Variants in ZNF875 observed in about 807,000 individuals in gnomAD.
ZNF875 encodes the protein zinc finger protein 875, also known as HKR1, GLI-Kruppel zinc finger family member.
In ZNF875, 14 loss-of-function variants were observed where a neutral mutation model predicts 11.2. That is an observed-to-expected ratio of 1.26 (90% CI 0.83 to 1.96). The LOEUF is 1.96. Among genes scored for constraint, ZNF875 ranks in the 30% most tolerant of loss-of-function variants. The pLI is 0.00. For missense variants in ZNF875, 752 were observed against 760.4 expected, an observed-to-expected ratio of 0.99 and a Z score of 0.13; for synonymous variants, 301 against 281.1, an observed-to-expected ratio of 1.07 and a Z score of -0.71.
intron 4 of ZNF875, among the ~76,000 whole-genome samples, chr19:37,355,702 A>G (rs2038785322): frequency 6.6e-6 from 1 of 152,160 alleles, no homozygotes; most frequent in South Asian, 2.1e-4. Flanking sequence ...TTTTCATGTC[A>G]TGTCTATAAT....
intron 2 of ZNF875, chr19:37,346,865 C>CT (rs10577168): frequency 0.034 from 7,312 of 214,048 alleles, 111 homozygotes; most frequent in East Asian, 0.067. Context: ...ACCTCTCATT[C>CT]TTTTTTTTTT....
At chr19:37,327,358 G>A (rs1022208152) in intron 4 of ZNF875, among the ~76,000 whole-genome samples, 2 of 152,010 alleles carry the variant, frequency 1.3e-5, no homozygotes, top group African/African-American at 2.4e-5. Context: ...TAAATGACAG[G>A]TCTATATGTT....
In ZNF875 at chr19:37,335,162, T is replaced by A. The variant is rs1357989433; in HGVS notation, c.-56-7T>A. 3 of 699,356 alleles carry A rather than the reference T, an allele frequency of 4.3e-6. No individual in the cohort carries two copies. Among genetic ancestry groups the A allele is most frequent in the Non-Finnish European group, 7.8e-6 (3 of 382,548 alleles). The allele number at this position is 699,356 out of a possible 1,614,324, so 43.3% of individuals were successfully genotyped here. On this transcript the variant is annotated splice_polypyrimidine_tract_variant and splice_region_variant and intron_variant, in intron 1 of 4. Coordinates refer to ENST00000392153, the MANE Select transcript of ZNF875 (RefSeq NM_001353803.2). ...TAGGCCACTCTTATTTCTCTTCACA[T>A]CCCCAGATCTGTCTTCTGAGACTTT...
At position 37,363,851 on chromosome 19, in the gene ZNF875, A is replaced by G. The variant is rs2040399915; in HGVS notation, c.*76A>G. 7.7e-7 allele frequency: 1 copy of G among 1,291,952 alleles called. No individual in the cohort carries two copies. The highest frequency in any genetic ancestry group is 1.1e-6 in the Non-Finnish European group (1 of 908,928). The allele number at this position is 1,291,952 out of a possible 1,614,324, so 80.0% of individuals were successfully genotyped here. A position where few individuals can be genotyped will look rare whatever the true frequency, so the allele number is the denominator to read the frequency against. ...CTTCATCAGACACCAGAGGACACACACAGTGCTGTGGCTTTTTCAGCCATT... is the reference window on the plus strand; with the variant it reads ...CTTCATCAGACACCAGAGGACACACGCAGTGCTGTGGCTTTTTCAGCCATT... On this transcript the variant is annotated 3_prime_UTR_variant, in exon 5 of 5. Coordinates refer to ENST00000392153, the MANE Select transcript of ZNF875 (RefSeq NM_001353803.2).
At chr19:37,342,861 C>T (rs1217542168) in intron 2 of ZNF875, among the ~76,000 whole-genome samples, 1 of 152,210 alleles carries the variant, frequency 6.6e-6, no homozygotes, top group Non-Finnish European at 1.5e-5. Flanking sequence ...ATATCAGTTT[C>T]ATCACTCCTT....
In ZNF875 at chr19:37,362,909, C is replaced by T. The variant is rs760812851; in HGVS notation, c.1057C>T (p.Leu353Phe). 37 of 1,614,104 alleles carry T rather than the reference C, an allele frequency of 2.3e-5. No individual in the cohort carries two copies. The South Asian group carries it at 4.1e-4, about 18-fold the overall frequency. Reference sequence around the variant, plus strand: ...GCAGAGCTTTAGCCTGAAGTCAAACCTCATTACCCACCAGAGGGCGCACAC... The same window carrying T: ...GCAGAGCTTTAGCCTGAAGTCAAACTTCATTACCCACCAGAGGGCGCACAC... ...CGQSFSLKSNLITHQRAHTGE... is the reference protein window; with the variant it reads ...CGQSFSLKSNFITHQRAHTGE... The change falls in exon 5 of 5, where the codon CTC becomes TTC. Residue 353 changes from leucine to phenylalanine, a missense_variant. Transcript: ENST00000392153.
chr19:37,349,337 A>C (rs1244785352), intron 4 of ZNF875, among the ~76,000 whole-genome samples: 1 of 152,198 alleles, frequency 6.6e-6, no homozygotes, highest in Non-Finnish European at 1.5e-5. Context: ...GCAATTGCTT[A>C]CACTCACATA....
At chr19:37,336,457 G>A (rs1177721721) in intron 2 of ZNF875, among the ~76,000 whole-genome samples, 5 of 151,224 alleles carry the variant, frequency 3.3e-5, no homozygotes, top group Non-Finnish European at 5.9e-5. Flanking sequence ...TTGCCACCAT[G>A]CCAGGCTAAT....
At chr19:37,331,271 C>G (rs2145832300), upstream of ZNF875, among the ~76,000 whole-genome samples, 1 of 134,228 alleles carries the variant, frequency 7.5e-6, no homozygotes, top group South Asian at 2.5e-4. Context: ...CTCTTGTTGC[C>G]AAGGCTGGAG....
rs572997259 is a variant in ZNF875, at chr19:37,355,070, T to C, written c.257-7039T>C. On this transcript the variant is annotated intron_variant, in intron 4 of 4. Transcript: ENST00000392153. ...TATTTTACTTAGTTTGCTTTATCAT[T>C]TATTCATGTGCTCTTTTGCATGCAT... Among the ~76,000 whole-genome samples, 4 of 152,344 alleles carry C rather than the reference T, an allele frequency of 2.6e-5. No homozygotes were observed. In the South Asian group the frequency reaches 8.3e-4, roughly 32 times the overall value.
chr19:37,325,301 C>T (rs978773776), intron 4 of ZNF875, among the ~76,000 whole-genome samples: 16 of 152,242 alleles, frequency 1.1e-4, no homozygotes, highest in African/African-American at 3.4e-4. Context: ...TCTGTCGCTT[C>T]CCTCCATCCA....
intron 2 of ZNF875, among the ~76,000 whole-genome samples, chr19:37,336,424 T>C (rs977840905): frequency 1.3e-5 from 2 of 150,882 alleles, no homozygotes; most frequent in South Asian, 2.1e-4. Context: ...CTCAGCCTCC[T>C]GAGTAGCTGG....
At chr19:37,361,265 C>G (rs952746293) in intron 4 of ZNF875, among the ~76,000 whole-genome samples, 4 of 152,078 alleles carry the variant, frequency 2.6e-5, no homozygotes, top group Non-Finnish European at 5.9e-5. Flanking sequence ...TGTGTGCTAC[C>G]ATAGCCAGCT....
intron 4 of ZNF875, among the ~76,000 whole-genome samples, chr19:37,360,893 T>G (rs1164475136): frequency 6.6e-6 from 1 of 151,956 alleles, no homozygotes; most frequent in African/African-American, 2.4e-5. Context: ...TTTTCTCAGT[T>G]TCATTTTTAG....
intron 4 of ZNF875, among the ~76,000 whole-genome samples, chr19:37,329,558 G>A (rs12977972): frequency 6.6e-6 from 1 of 151,984 alleles, no homozygotes; most frequent in East Asian, 1.9e-4. Flanking sequence ...GTGAACATAA[G>A]AAGTCTGCAT....
chr19:37,323,519 A>G (rs951662820), intron 2 of ZNF875: 6 of 152,090 alleles, frequency 3.9e-5, no homozygotes, highest in Non-Finnish European at 8.8e-5. Flanking sequence ...AATCTTGTTT[A>G]TTTATTCTTC....
rs201641868 is a variant in ZNF875 at position 37,363,720 on chromosome 19, G to A, written c.1868G>A (p.Arg623Gln). The change falls in exon 5 of 5, where the codon CGG becomes CAG. Residue 623 changes from arginine (R) to glutamine (Q), a missense_variant. Transcript: ENST00000392153. ...CCTTATATTTGCAGAAAGTGTGGAC[G>A]GGGCTTTAGTCGGAAGTCCAACCTT... The part of the protein sequence containing the change: ...EKPYICRKCG[R>Q]GFSRKSNLIR... 103 of 1,613,954 alleles carry A rather than the reference G, an allele frequency of 6.4e-5. No homozygotes were observed. The East Asian group carries it at 1.0e-3, about 16-fold the overall frequency.
At chr19:37,331,778 A>G (rs2033433676), upstream of ZNF875, among the ~76,000 whole-genome samples, 1 of 137,976 alleles carries the variant, frequency 7.2e-6, no homozygotes, top group Non-Finnish European at 1.7e-5. Context: ...TGGGAAGGGA[A>G]AGACCTGACC....
intron 4 of ZNF875, among the ~76,000 whole-genome samples, chr19:37,356,747 C>T (rs956554048): frequency 8.5e-5 from 13 of 152,088 alleles, no homozygotes; most frequent in Admixed American, 2.6e-4. Flanking sequence ...ATGCATGGTT[C>T]GCAAATGCTT....
Sources: gnomAD v4.1 joint callset for allele counts (sites outside exome capture counted in the v4.1 genomes callset) on GRCh38, gnomAD v4.1.1 for gene constraint, MANE v1.5 for transcripts, NCBI Gene and HGNC (gene_info 2026-07-23, HGNC 2026-07-21) for gene names.